Variants in PRPF8 observed in about 807,000 individuals in gnomAD.
The protein encoded by PRPF8 is pre-mRNA processing factor 8, also known as pre-mRNA-processing-splicing factor 8.
A neutral mutation model predicts 285.9 loss-of-function variants in PRPF8; 64 were observed. The observed-to-expected ratio is 0.22, with a 90% CI of 0.18 to 0.28. The LOEUF (loss-of-function observed/expected upper bound fraction) is 0.28. Among genes scored for constraint, PRPF8 ranks in the 10% least tolerant of loss-of-function variants. PRPF8 has a pLI of 1.00. For synonymous variants in PRPF8, 1,325 were observed against 1,118.2 expected (o/e 1.18, Z -3.69); for missense variants, 1,426 against 3,026.7 (o/e 0.47, Z 12.41).
intron 24 of PRPF8, among the ~76,000 whole-genome samples, chr17:1,667,187 G>A (rs1386589760): frequency 6.6e-6 from 1 of 152,060 alleles, no homozygotes; most frequent in African/African-American, 2.4e-5. Flanking sequence ...AAAAAAAGGA[G>A]GGCCAGGGGC....
At chr17:1,677,745 AAC>A in intron 13 of PRPF8, 51 bp from the exon 14 acceptor site, 1 of 1,612,320 alleles carries the variant, frequency 6.2e-7, no homozygotes, top group Non-Finnish European at 8.5e-7. Flanking sequence ...GCATTTAAAC[AAC>A]AATAGAAACC....
In PRPF8 at chr17:1,656,525, G is replaced by A. The variant is rs1483047572; in HGVS notation, c.5660C>T (p.Ser1887Leu). Reference protein sequence around the residue: ...LDFPNIVIKGSELQLPFQACL... With the variant: ...LDFPNIVIKGLELQLPFQACL... ...CGCCTGGAAAGGGAGTTGGAGCTCC[G>A]ATCCTTTGATGACAATATTGGGGAA... The change falls in exon 36 of 43, where the codon TCG becomes TTG. Residue 1887 changes from serine (S) to leucine (L), a missense_variant. By Grantham distance (145) the Ser-to-Leu change is moderately radical. Transcript: ENST00000304992. 5 of 1,614,082 alleles carry A rather than the reference G, an allele frequency of 3.1e-6. No individual in the cohort carries two copies. The highest frequency in any genetic ancestry group is 1.1e-5 in the South Asian group (1 of 91,072).
Position 1,681,867 on chromosome 17 carries a change from A to G in PRPF8, c.606T>C (p.Pro202=). ...QLELDPEEDA[P]VLDWFYDHQP... ...GGTGGTCATAGAACCAGTCCAACAC[A>G]GGGGCGTCCTCCTCAGGGTCCAGCT... The change falls in exon 5 of 43, where the codon CCT becomes CCC. Residue 202 remains proline (P), a synonymous_variant. Coordinates refer to ENST00000304992, the MANE Select transcript of PRPF8 (RefSeq NM_006445.4). 6.2e-7 allele frequency: 1 copy of G among 1,613,640 alleles called. No homozygotes were observed.
rs777758621 is a variant in PRPF8 at position 1,658,637 on chromosome 17, T to G, written c.5265A>C (p.Ser1755=). 5 of 1,614,218 alleles carry G rather than the reference T, an allele frequency of 3.1e-6. No individual in the cohort carries two copies. Among genetic ancestry groups the G allele is most frequent in the Non-Finnish European group, 3.4e-6 (4 of 1,180,036 alleles). The change falls in exon 33 of 43, where the codon TCA becomes TCC. Residue 1755 remains serine (S), a synonymous_variant. Transcript: ENST00000304992. The surrounding 1 kb of genome is among the most constrained non-coding windows in gnomAD (Gnocchi z 4.1). Reference sequence around the variant, plus strand: ...ACAAATAAGGCTCAGTGGGTTCAGATGAATAGAGCTGTAGCCCCTTGCGGA... The same window carrying G: ...ACAAATAAGGCTCAGTGGGTTCAGAGGAATAGAGCTGTAGCCCCTTGCGGA... ...ERIRKGLQLY[S]SEPTEPYLSS... is the part of the protein sequence containing the mutation.
Position 1,681,984 on chromosome 17 carries a change from C to T in PRPF8, c.489G>A (p.Arg163=). Residue 163 remains arginine, a synonymous_variant, in exon 5 of 43, where the codon AGG becomes AGA. Coordinates refer to ENST00000304992, the MANE Select transcript of PRPF8 (RefSeq NM_006445.4). ...REKRDRRHFK[R]MRFPPFDDEE... is the part of the protein sequence containing the mutation. ...CATCATCAAAAGGGGGAAAACGCAT[C>T]CTCTTGAAATGCCTCCTATCTCTTT... 1 of 1,613,998 alleles carries T rather than the reference C, an allele frequency of 6.2e-7. No individual in the cohort carries two copies. The highest frequency in any genetic ancestry group is 8.5e-7 in the Non-Finnish European group (1 of 1,180,004).
Position 1,679,196 on chromosome 17 carries a change from G to A in PRPF8, c.1420C>T (p.Arg474Cys), listed in dbSNP as rs755296299. The A allele has an allele frequency of 2.2e-5, 35 of 1,614,032 alleles. No individual in the cohort carries two copies. The highest frequency in any genetic ancestry group is 8.3e-5 in the Admixed American group (5 of 59,996). Reference protein sequence around the residue: ...PKAQKKRYLFRSFKATKFFQS... With the variant: ...PKAQKKRYLFCSFKATKFFQS... ...AAGAATTTGGTGGCTTTGAAGGAGC[G>A]GAACAAATACCTGAGGTGGGAACAT... The change falls in exon 11 of 43, where the codon CGC becomes TGC. Residue 474 changes from arginine to cysteine, a missense_variant. Physicochemically the swap from Arg to Cys is radical, Grantham distance 180. Transcript: ENST00000304992. This position sits in a 1 kb window ranked among gnomAD's most constrained non-coding sequence, Gnocchi z 4.7.
At position 1,653,623 on chromosome 17, in the gene PRPF8, G is replaced by A. The variant is rs562247672; in HGVS notation, c.6288C>T (p.Asp2096=). Residue 2096 remains aspartate (D), a synonymous_variant, in exon 39 of 43, where the codon GAC becomes GAT. Coordinates refer to ENST00000304992, the MANE Select transcript of PRPF8 (RefSeq NM_006445.4). This position sits in a 1 kb window ranked among gnomAD's most constrained non-coding sequence, Gnocchi z 4.9. The part of the protein sequence containing the change: ...RTNHIYVSSD[D]IKETGYTYIL... ...TGTAGGTGTAGCCAGTCTCCTTGATGTCGTCAGATGAAACATAGATGTGAT... is the reference window on the plus strand; with the variant it reads ...TGTAGGTGTAGCCAGTCTCCTTGATATCGTCAGATGAAACATAGATGTGAT... The A allele has an allele frequency of 6.2e-7, 1 of 1,614,188 alleles. No homozygotes were observed. Among genetic ancestry groups the A allele is most frequent in the Admixed American group, 1.7e-5 (1 of 60,024 alleles).
At position 1,678,494 on chromosome 17, in the gene PRPF8, AAGTC is replaced by A. The variant is rs764362757; in HGVS notation, c.1854+20_1854+23del. The A allele has an allele frequency of 7.4e-6, 12 of 1,614,080 alleles. No individual in the cohort carries two copies. Among genetic ancestry groups the A allele is most frequent in the Non-Finnish European group, 1.0e-5 (12 of 1,180,014 alleles). ...GTAAGACTCTGTCTCAAAAAAAAGA[AAGTC>A]AGTAAAGTCAAGGTCTCACCGTGTT... On this transcript the variant is annotated intron_variant, in intron 13 of 42. Transcript: ENST00000304992.
intron 24 of PRPF8, among the ~76,000 whole-genome samples, chr17:1,665,108 C>T (rs560200543): frequency 4.4e-5 from 6 of 135,366 alleles, no homozygotes; most frequent in African/African-American, 1.2e-4. Flanking sequence ...TGCAGTGAGC[C>T]GAGATCGTGC....
chr17:1,650,800 G>C lies in PRPF8; in HGVS notation c.*2C>G. 6.2e-7 allele frequency: 1 copy of C among 1,613,866 alleles called. No individual in the cohort carries two copies. The highest frequency in any genetic ancestry group is 8.5e-7 in the Non-Finnish European group (1 of 1,179,974). The stretch of plus-strand genomic sequence containing the variant: ...AGGCTGAAGCAGGAGGCAGGGAAAC[G>C]GTCAGGCATACAGGTCCTCCCGATC... On this transcript the variant is annotated 3_prime_UTR_variant, in exon 43 of 43. Coordinates refer to ENST00000304992, the MANE Select transcript of PRPF8 (RefSeq NM_006445.4).
Position 1,662,796 on chromosome 17 carries a change from A to G in PRPF8, c.3775-643T>C, listed in dbSNP as rs375450077. The stretch of plus-strand genomic sequence containing the variant: ...CAGTGAGCTGAGATCGCACCACTGC[A>G]CTCCAGCCTGGGAGACAGAGCAAGA... On this transcript the variant is annotated intron_variant, in intron 24 of 42. Transcript: ENST00000304992. Among the ~76,000 whole-genome samples, 49 of 149,104 alleles carry G rather than the reference A, an allele frequency of 3.3e-4. 1 individual carries two copies. The East Asian group carries it at 5.9e-3, about 18-fold the overall frequency.
rs1912871372 is a variant in PRPF8 at position 1,680,731 on chromosome 17, C to T, written c.1093G>A (p.Val365Ile). 1 of 1,612,006 alleles carries T rather than the reference C, an allele frequency of 6.2e-7. No individual in the cohort carries two copies. Among genetic ancestry groups the T allele is most frequent in the Admixed American group, 1.7e-5 (1 of 60,020 alleles). The stretch of plus-strand genomic sequence containing the variant: ...GCATCCCTTCCCTTCCTCACCTTGA[C>T]TGAGTGCCTATGGGAGATTGGGTTG... ...LINPISHRHS[V>I]KSQEPLPDDD... The change falls in exon 8 of 43, where the codon GTC becomes ATC. Residue 365 changes from valine to isoleucine, a missense_variant. This residue lies in a region of PRPF8 where 137 missense variants were observed against 161.2 expected (regional missense o/e 0.85). Transcript: ENST00000304992.
chr17:1,683,126 G>A (rs187521601), intron 3 of PRPF8: 1 of 295,358 alleles, frequency 3.4e-6, no homozygotes, highest in East Asian at 8.8e-5. Flanking sequence ...CTCCCAAGTA[G>A]CTGGGACTAC....
At chr17:1,677,415 T>C (rs931141433) in intron 14 of PRPF8, 150 bp downstream of exon 14, 17 of 1,237,004 alleles carry the variant, frequency 1.4e-5, no homozygotes, top group Non-Finnish European at 1.6e-5. Flanking sequence ...GCCCAAGAAA[T>C]AGAATACTAG....
At position 1,661,022 on chromosome 17, in the gene PRPF8, A is replaced by C. The variant is rs1911656283; in HGVS notation, c.4479T>G (p.Thr1493=). Residue 1493 remains threonine (T), a synonymous_variant, in exon 28 of 43, where the codon ACT becomes ACG. Transcript: ENST00000304992. The surrounding 1 kb of genome is among the most constrained non-coding windows in gnomAD (Gnocchi z 7.3). The part of the protein sequence containing the change: ...GILEHTLFKG[T]YFPTWEGLFW... ...AAAGCCCCTCCCAGGTAGGGAAGTA[A>C]GTGCCCTTAAAGAGTGTGTGTTCCA... The C allele has an allele frequency of 1.2e-6, 2 of 1,614,162 alleles. No individual in the cohort carries two copies. Among genetic ancestry groups the C allele is most frequent in the East Asian group, 2.2e-5 (1 of 44,888 alleles).
chr17:1,681,790 C>T (rs1364129702), intron 5 of PRPF8, 30 bp downstream of exon 5: 1 of 1,612,800 alleles, frequency 6.2e-7, no homozygotes. Flanking sequence ...AGAACTCCTC[C>T]CAGGTGTAGT....
rs988116060 is a variant in PRPF8, at chr17:1,653,031, C to A, written c.6369+511G>T. 1.7e-5 allele frequency: 4 copies of A among 228,634 alleles called. No homozygotes were observed. Among genetic ancestry groups the A allele is most frequent in the Non-Finnish European group, 3.5e-5 (4 of 113,036 alleles). The allele number at this position is 228,634 out of a possible 1,614,324, so 14.2% of individuals were successfully genotyped here. ...TCACTGCAAGCTCCACCTCACCTCCCGGGTTCAAGCAATTCTCCTGTCTCA... is the reference window on the plus strand; with the variant it reads ...TCACTGCAAGCTCCACCTCACCTCCAGGGTTCAAGCAATTCTCCTGTCTCA... On this transcript the variant is annotated intron_variant, in intron 39 of 42. Coordinates refer to ENST00000304992, the MANE Select transcript of PRPF8 (RefSeq NM_006445.4). The surrounding 1 kb of genome is among the most constrained non-coding windows in gnomAD (Gnocchi z 4.9).
rs759176167 is a variant in PRPF8, at chr17:1,676,547, G to C, written c.2346C>G (p.Leu782=). ...CKKNLGRLTR[L]YLKAEQERQH... Reference sequence around the variant, plus strand: ...GCCGCTCCTGTTCTGCCTTCAGATAGAGCCGGGTGAGGCGGCCCAGATTCT... The same window carrying C: ...GCCGCTCCTGTTCTGCCTTCAGATACAGCCGGGTGAGGCGGCCCAGATTCT... The change falls in exon 16 of 43, where the codon CTC becomes CTG. Residue 782 remains leucine, a synonymous_variant. Transcript: ENST00000304992. The surrounding 1 kb of genome is among the most constrained non-coding windows in gnomAD (Gnocchi z 6.3). 18 of 1,614,016 alleles carry C rather than the reference G, an allele frequency of 1.1e-5. No homozygotes were observed. Among genetic ancestry groups the C allele is most frequent in the Non-Finnish European group, 1.4e-5 (17 of 1,180,026 alleles).
chr17:1,660,336 C>T (rs1447872897), intron 30 of PRPF8, 96 bp downstream of exon 30: 89 of 1,597,002 alleles, frequency 5.6e-5, no homozygotes, highest in Non-Finnish European at 7.2e-5. Context: ...CCTCTCCCCT[C>T]GATTCCACCT....
Sources: allele counts gnomAD v4.1 joint callset (sites outside exome capture counted in the v4.1 genomes callset), GRCh38; gene constraint gnomAD v4.1.1; regional missense constraint gnomAD v4.1.1; non-coding constraint Gnocchi (gnomAD v3.1); transcripts MANE v1.5; gene names NCBI Gene and HGNC (gene_info 2026-07-23, HGNC 2026-07-21).